The following PPP1R12B variants were observed in gnomAD, a reference collection of about 807,000 sequenced individuals.
PPP1R12B encodes the protein protein phosphatase 1 regulatory subunit 12B.
In PPP1R12B, 76 loss-of-function variants were observed where a neutral mutation model predicts 126.1. The observed-to-expected ratio is 0.60, with a 90% CI of 0.50 to 0.73. PPP1R12B has a LOEUF of 0.73. PPP1R12B is among the 30% of genes least tolerant of loss of function. The pLI is 0.00. For synonymous variants in PPP1R12B, 356 were observed against 434.7 expected (o/e 0.82, Z 2.25); for missense variants, 1,052 against 1,205.1 (o/e 0.87, Z 1.88).
chr1:202,388,260 T>C (rs551896300), intron 1 of PPP1R12B, among the ~76,000 whole-genome samples: 1 of 152,222 alleles, frequency 6.6e-6, no homozygotes, highest in Non-Finnish European at 1.5e-5. Flanking sequence ...CTTGGCTCAC[T>C]GCAAGCTCTG....
intron 1 of PPP1R12B, among the ~76,000 whole-genome samples, chr1:202,351,266 A>T (rs545219496): frequency 6.7e-6 from 1 of 148,492 alleles, no homozygotes; most frequent in South Asian, 2.2e-4. Context: ...ACAGTGTCTC[A>T]CTGTATCTCC....
intron 18 of PPP1R12B, among the ~76,000 whole-genome samples, chr1:202,529,947 A>G (rs1373713939): frequency 2.6e-5 from 4 of 152,312 alleles, no homozygotes; most frequent in East Asian, 1.9e-4. Flanking sequence ...TGAGGAAACT[A>G]TCTCCCTAAT....
chr1:202,446,302 G>A (rs1672285925), intron 12 of PPP1R12B, among the ~76,000 whole-genome samples: 1 of 127,602 alleles, frequency 7.8e-6, no homozygotes. Context: ...CACCCAGGCT[G>A]GAGTGCAGTG....
chr1:202,523,375 T>C (rs1248041877), intron 18 of PPP1R12B, among the ~76,000 whole-genome samples: 2 of 152,228 alleles, frequency 1.3e-5, no homozygotes, highest in Non-Finnish European at 2.9e-5. Flanking sequence ...CAGGTTGTAA[T>C]ATAAACAGTG....
At chr1:202,395,114 C>CA (rs71142529) in intron 1 of PPP1R12B, among the ~76,000 whole-genome samples, 85,211 of 98,044 alleles carry the variant, frequency 0.87, 37,181 homozygotes, top group East Asian at 0.95. Flanking sequence ...GAGACTCTCT[C>CA]AAAAAAAAAA....
chr1:202,576,702 GCAAAA>G (rs1689124561), intron 23 of PPP1R12B: 2 of 151,958 alleles, frequency 1.3e-5, no homozygotes, highest in South Asian at 2.1e-4. Flanking sequence ...AGGATATGGG[GCAAAA>G]CTAGATCTCA....
intron 1 of PPP1R12B, among the ~76,000 whole-genome samples, chr1:202,375,005 C>T (rs1185060629): frequency 6.6e-6 from 1 of 152,036 alleles, no homozygotes; most frequent in Non-Finnish European, 1.5e-5. Context: ...TGAGATGGTG[C>T]GATCTCAGCT....
intron 18 of PPP1R12B, among the ~76,000 whole-genome samples, chr1:202,546,275 C>T (rs1685644365): frequency 1.3e-5 from 2 of 152,146 alleles, no homozygotes; most frequent in Non-Finnish European, 2.9e-5. Flanking sequence ...TCAGGAGTGA[C>T]TACCAGGTCT....
In PPP1R12B at chr1:202,543,558, T is replaced by C. The variant is rs555716046; in HGVS notation, c.2491-15319T>C. On this transcript the variant is annotated intron_variant, in intron 18 of 23. Transcript: ENST00000608999. ...AGTTCGAGACCAGCCTGGCCAACATTGTGAAACCCCATCTCTACTAAAATT... is the reference window on the plus strand; with the variant it reads ...AGTTCGAGACCAGCCTGGCCAACATCGTGAAACCCCATCTCTACTAAAATT... Among the ~76,000 whole-genome samples the C allele has an allele frequency of 2.5e-3, 387 of 152,076 alleles. 2 individuals carry two copies. The highest frequency in any genetic ancestry group is 8.9e-3 in the African/African-American group (370 of 41,472).
At chr1:202,438,841 T>C (rs1297279104) in intron 10 of PPP1R12B, 1 of 1,012,638 alleles carries the variant, frequency 9.9e-7, no homozygotes, top group African/African-American at 1.6e-5. Flanking sequence ...GAGACGGCCA[T>C]GGTCACTGCT....
intron 13 of PPP1R12B, among the ~76,000 whole-genome samples, chr1:202,462,121 G>A (rs1674384605): frequency 6.6e-6 from 1 of 152,098 alleles, no homozygotes; most frequent in African/African-American, 2.4e-5. Flanking sequence ...GCATAAATCT[G>A]AATATACTAA....
chr1:202,421,021 T>C (rs1403277697), intron 2 of PPP1R12B, among the ~76,000 whole-genome samples: 1 of 140,414 alleles, frequency 7.1e-6, no homozygotes, highest in African/African-American at 2.6e-5. Context: ...CCCAGGCTGA[T>C]GTTGGCTCAC....
At chr1:202,564,678 G>A (rs187502691) in intron 21 of PPP1R12B, 131 bp downstream of exon 21, 16 of 618,136 alleles carry the variant, frequency 2.6e-5, no homozygotes, top group Admixed American at 1.2e-4. Flanking sequence ...TGAGATAGAA[G>A]CTTCTTAGAT....
At chr1:202,414,460 C>A (rs1459327083) in intron 1 of PPP1R12B, among the ~76,000 whole-genome samples, 1 of 152,162 alleles carries the variant, frequency 6.6e-6, no homozygotes, top group Non-Finnish European at 1.5e-5. Flanking sequence ...TCTTACAAAT[C>A]TAAATACATT....
At chr1:202,358,698 A>AC (rs1657587220) in intron 1 of PPP1R12B, among the ~76,000 whole-genome samples, 1 of 147,660 alleles carries the variant, frequency 6.8e-6, no homozygotes, top group South Asian at 2.2e-4. Flanking sequence ...AAAAAAAAAA[A>AC]CTGAAACTTG....
chr1:202,410,115 T>C (rs1327499871), intron 1 of PPP1R12B: 2 of 152,222 alleles, frequency 1.3e-5, no homozygotes, highest in Admixed American at 1.3e-4. Flanking sequence ...ATAAAAAATA[T>C]GGAATGCTTC....
In PPP1R12B at chr1:202,586,154, G is replaced by A. The variant is rs1689798371; in HGVS notation, c.*5594G>A. ...ATGGTCTTTCCTTCAAAGCAGGTCT[G>A]AAGAGGAGACTACCAAAGCAGTGTT... On this transcript the variant is annotated 3_prime_UTR_variant, in exon 24 of 24. Coordinates refer to ENST00000608999, the MANE Select transcript of PPP1R12B (RefSeq NM_002481.4). 6.6e-6 allele frequency: 1 copy of A among 152,256 alleles called. No homozygotes were observed. Among genetic ancestry groups the A allele is most frequent in the South Asian group, 2.1e-4 (1 of 4,836 alleles). 9.4% of individuals were successfully genotyped at this position (152,256 alleles called of 1,614,324 possible).
rs1201539638 is a variant in PPP1R12B at position 202,587,864 on chromosome 1, A to G, written c.*7304A>G. Reference sequence around the variant, plus strand: ...AGGTTAGGTAAAGAGAGTTTGGAGGAAAAAAGACACCAGGAGGCAGGCTGC... The same window carrying G: ...AGGTTAGGTAAAGAGAGTTTGGAGGGAAAAAGACACCAGGAGGCAGGCTGC... On this transcript the variant is annotated 3_prime_UTR_variant, in exon 24 of 24. Transcript: ENST00000608999. 2 of 152,302 alleles carry G rather than the reference A, an allele frequency of 1.3e-5. No homozygotes were observed. The highest frequency in any genetic ancestry group is 3.9e-4 in the East Asian group (2 of 5,182). 9.4% of individuals were successfully genotyped at this position (152,302 alleles called of 1,614,324 possible).
At chr1:202,489,214 T>C (rs982804339) in intron 14 of PPP1R12B, among the ~76,000 whole-genome samples, 2 of 152,222 alleles carry the variant, frequency 1.3e-5, no homozygotes, top group African/African-American at 4.8e-5. Flanking sequence ...TCTCTTTTCC[T>C]TCACAAGATT....
Sources: gnomAD v4.1 joint callset for allele counts (sites outside exome capture counted in the v4.1 genomes callset) on GRCh38, gnomAD v4.1.1 for gene constraint, MANE v1.5 for transcripts, NCBI Gene and HGNC (gene_info 2026-07-23, HGNC 2026-07-21) for gene names.